The following TNS3 variants were observed in gnomAD, a reference collection of about 807,000 sequenced individuals.
The protein encoded by TNS3 is tensin-3.
A neutral mutation model predicts 140.9 loss-of-function variants in TNS3; 45 were observed. That is an observed-to-expected ratio of 0.32 (90% CI 0.25 to 0.41). The LOEUF (loss-of-function observed/expected upper bound fraction) is 0.41. Ranked by LOEUF, TNS3 falls within the 10% of genes least tolerant of loss-of-function variation. TNS3 has a pLI of 1.00. For synonymous variants in TNS3, 815 were observed against 788.4 expected (o/e 1.03, Z -0.56); for missense variants, 1,716 against 1,906.7 (o/e 0.90, Z 1.86).
chr7:47,371,365 A>C (rs1791062464), intron 16 of TNS3, among the ~76,000 whole-genome samples: 1 of 152,222 alleles, frequency 6.6e-6, no homozygotes, highest in South Asian at 2.1e-4. Flanking sequence ...TTTATCTATA[A>C]GGAACTGAGG....
chr7:47,541,203 G>A (rs1049746501), intron 1 of TNS3, among the ~76,000 whole-genome samples: 2 of 152,202 alleles, frequency 1.3e-5, no homozygotes, highest in African/African-American at 4.8e-5. Context: ...GGCACCTTCG[G>A]GAGGAGCTTG....
rs769760726 is a variant in TNS3 at position 47,303,100 on chromosome 7, G to A, written c.3307C>T (p.Arg1103Trp). 12 of 1,614,086 alleles carry A rather than the reference G, an allele frequency of 7.4e-6. No homozygotes were observed. The South Asian group carries it at 7.7e-5, about 10-fold the overall frequency. The change falls in exon 22 of 31, where the codon CGG (arginine) becomes TGG (tryptophan). Residue 1103 changes from arginine to tryptophan, a missense_variant. Coordinates refer to ENST00000311160, the MANE Select transcript of TNS3 (RefSeq NM_022748.12). ...AAAGAACGATCCCCCTCCGAGGCCC[G>A]CTTCTTCTCAGGGAGGGGTGGCTGC... ...PGQPPLPEKKRASEGDRSLGS... is the reference protein window; with the variant it reads ...PGQPPLPEKKWASEGDRSLGS...
At chr7:47,441,679 C>T (rs1353814402) in intron 5 of TNS3, among the ~76,000 whole-genome samples, 1 of 152,170 alleles carries the variant, frequency 6.6e-6, no homozygotes, top group Non-Finnish European at 1.5e-5. Context: ...GCTCAGGGCC[C>T]CCCTCATCTG....
intron 4 of TNS3, among the ~76,000 whole-genome samples, chr7:47,447,861 C>G (rs1254424213): frequency 6.6e-6 from 1 of 152,202 alleles, no homozygotes; most frequent in Non-Finnish European, 1.5e-5. Context: ...GAGAACCATG[C>G]TTTCCACTGT....
chr7:47,278,442 C>T, intron 30 of TNS3: 1 of 552,626 alleles, frequency 1.8e-6, no homozygotes, highest in South Asian at 2.5e-5. Context: ...AGTGAGGACC[C>T]TGAGGCTGAG....
chr7:47,512,105 T>C (rs1798634684), intron 2 of TNS3, among the ~76,000 whole-genome samples: 1 of 152,234 alleles, frequency 6.6e-6, no homozygotes, highest in Non-Finnish European at 1.5e-5. Flanking sequence ...GGTTAAGCAG[T>C]GACACCAGCT....
chr7:47,582,083 G>A lies in TNS3; in HGVS notation c.-297C>T, dbSNP rs377634549. 3 of 152,068 alleles carry A rather than the reference G, an allele frequency of 2.0e-5. No homozygotes were observed. The highest frequency in any genetic ancestry group is 2.1e-4 in the South Asian group (1 of 4,834). 9.4% of individuals were successfully genotyped at this position (152,068 alleles called of 1,614,324 possible). A position where few individuals can be genotyped will look rare whatever the true frequency, so the allele number is the denominator to read the frequency against. ...AGCCTGAGGCGCGGTCCGGCAGGGC[G>A]ATGGCCGCAACGAGGCTGGGCTCCG... On this transcript the variant is annotated 5_prime_UTR_variant, in exon 1 of 31. Coordinates refer to ENST00000311160, the MANE Select transcript of TNS3 (RefSeq NM_022748.12).
At chr7:47,480,558 G>A (rs543874705) in intron 4 of TNS3, among the ~76,000 whole-genome samples, 1 of 152,328 alleles carries the variant, frequency 6.6e-6, no homozygotes, top group African/African-American at 2.4e-5. Context: ...GAGGTACCAT[G>A]ACCTTCCAAG....
intron 7 of TNS3, 122 bp from the exon 8 acceptor site, chr7:47,435,526 C>A: frequency 1.4e-6 from 2 of 1,428,432 alleles, no homozygotes; most frequent in Non-Finnish European, 1.9e-6. Flanking sequence ...GCTGGGTGAC[C>A]CTTTCCTAAA....
At chr7:47,453,835 C>G (rs1035320042) in intron 4 of TNS3, among the ~76,000 whole-genome samples, 1 of 152,090 alleles carries the variant, frequency 6.6e-6, no homozygotes, top group Non-Finnish European at 1.5e-5. Context: ...GCACTCAGAG[C>G]TAAGAGGAAG....
At chr7:47,361,068 A>G (rs1790288346) in intron 17 of TNS3, among the ~76,000 whole-genome samples, 1 of 151,774 alleles carries the variant, frequency 6.6e-6, no homozygotes, top group African/African-American at 2.4e-5. Flanking sequence ...TCCTCTGCAG[A>G]GTTGGAGGCC....
chr7:47,522,772 CA>C (rs1357019179), intron 2 of TNS3, among the ~76,000 whole-genome samples: 4 of 151,826 alleles, frequency 2.6e-5, no homozygotes, highest in Non-Finnish European at 5.9e-5. Context: ...ACTAAAAATA[CA>C]AAAAATTAGC....
intron 4 of TNS3, among the ~76,000 whole-genome samples, chr7:47,478,904 T>A (rs761450504): frequency 6.6e-6 from 1 of 150,524 alleles, no homozygotes; most frequent in Non-Finnish European, 1.5e-5. Flanking sequence ...AACATACATG[T>A]ATGTATTTGT....
At chr7:47,486,964 C>T (rs1299046368) in intron 3 of TNS3, among the ~76,000 whole-genome samples, 7 of 152,120 alleles carry the variant, frequency 4.6e-5, no homozygotes, top group African/African-American at 7.2e-5. Flanking sequence ...TGGTGGGTCA[C>T]GTGAATCAGC....
chr7:47,351,370 G>C (rs2151028731), intron 17 of TNS3, among the ~76,000 whole-genome samples: 2 of 152,130 alleles, frequency 1.3e-5, no homozygotes, highest in Middle Eastern at 3.4e-3. Flanking sequence ...AGCGAGCAGG[G>C]CTTATGCTTC....
intron 17 of TNS3, among the ~76,000 whole-genome samples, chr7:47,352,393 C>T (rs1415659935): frequency 6.6e-6 from 1 of 152,216 alleles, no homozygotes. Flanking sequence ...GTCTCACACG[C>T]TCACTCACAC....
At chr7:47,291,277 C>T (rs961935504) in intron 27 of TNS3, among the ~76,000 whole-genome samples, 7 of 152,080 alleles carry the variant, frequency 4.6e-5, no homozygotes, top group Non-Finnish European at 8.8e-5. Flanking sequence ...TGCATTTGTC[C>T]AAACCTGTAG....
chr7:47,457,566 C>T (rs1203481147), intron 4 of TNS3, among the ~76,000 whole-genome samples: 3 of 152,130 alleles, frequency 2.0e-5, no homozygotes, highest in Admixed American at 6.5e-5. Context: ...AAATTAACTT[C>T]GTTACCACTT....
intron 17 of TNS3, among the ~76,000 whole-genome samples, chr7:47,348,571 T>C (rs547277119): frequency 6.6e-6 from 1 of 152,268 alleles, no homozygotes; most frequent in South Asian, 2.1e-4. Context: ...ACAGAAAAAA[T>C]GGCTATGCAA....
Sources: allele counts gnomAD v4.1 joint callset (sites outside exome capture counted in the v4.1 genomes callset), GRCh38; gene constraint gnomAD v4.1.1; transcripts MANE v1.5; gene names NCBI Gene and HGNC (gene_info 2026-07-23, HGNC 2026-07-21).